Variants in RNF180 observed in about 807,000 individuals in gnomAD.
RNF180 encodes the protein E3 ubiquitin-protein ligase RNF180.
A neutral mutation model predicts 59.2 loss-of-function variants in RNF180; 38 were observed. That is an observed-to-expected ratio of 0.64 (90% CI 0.50 to 0.84). The LOEUF (loss-of-function observed/expected upper bound fraction) is 0.84. Ranked by LOEUF, RNF180 falls within the 40% of genes least tolerant of loss-of-function variation. RNF180 has a pLI of 0.00. For synonymous variants in RNF180, 262 were observed against 240.3 expected, an observed-to-expected ratio of 1.09 and a Z score of -0.84; for missense variants, 705 against 700.9, an observed-to-expected ratio of 1.01 and a Z score of -0.07.
chr5:64,199,476 G>A (rs1274550379), intron 1 of RNF180, among the ~76,000 whole-genome samples: 1 of 152,070 alleles, frequency 6.6e-6, no homozygotes, highest in African/African-American at 2.4e-5. Flanking sequence ...CTAGGAGTGG[G>A]TCCTAGGCAT....
intron 5 of RNF180, among the ~76,000 whole-genome samples, chr5:64,227,936 A>G (rs1462579123): frequency 1.3e-5 from 2 of 152,106 alleles, no homozygotes; most frequent in African/African-American, 2.4e-5. Flanking sequence ...TTTTAAAACC[A>G]TAGTCACTTG....
chr5:64,346,093 G>A (rs1463876417), intron 7 of RNF180, among the ~76,000 whole-genome samples: 2 of 151,968 alleles, frequency 1.3e-5, no homozygotes, highest in African/African-American at 4.8e-5. Context: ...AACTCCAGGA[G>A]AGATAACCAT....
chr5:64,336,358 A>T (rs564197522), intron 7 of RNF180, among the ~76,000 whole-genome samples: 1 of 152,056 alleles, frequency 6.6e-6, no homozygotes, highest in African/African-American at 2.4e-5. Context: ...TTAATGCTCT[A>T]CTAAGGTGTG....
chr5:64,323,997 C>A (rs566851099), intron 5 of RNF180, among the ~76,000 whole-genome samples: 1 of 152,050 alleles, frequency 6.6e-6, no homozygotes, highest in Non-Finnish European at 1.5e-5. Flanking sequence ...TAGCAAAGAC[C>A]GCAATTACTT....
At chr5:64,317,775 G>T (rs78948781) in intron 5 of RNF180, among the ~76,000 whole-genome samples, 15,743 of 149,870 alleles carry the variant, frequency 0.11, 1,005 homozygotes, top group Middle Eastern at 0.22. Context: ...TTTTCTATGG[G>T]TTTTTGTCCT....
At chr5:64,218,295 T>G (rs1216722989) in intron 5 of RNF180, among the ~76,000 whole-genome samples, 1 of 152,184 alleles carries the variant, frequency 6.6e-6, no homozygotes, top group Non-Finnish European at 1.5e-5. Flanking sequence ...TAAAATTAAT[T>G]TGTAATAAGT....
intron 5 of RNF180, among the ~76,000 whole-genome samples, chr5:64,286,985 G>C (rs907766211): frequency 6.6e-6 from 1 of 152,180 alleles, no homozygotes; most frequent in Non-Finnish European, 1.5e-5. Context: ...ATTTATTTAT[G>C]AAATGAAGTC....
intron 1 of RNF180, chr5:64,166,252 G>C (rs1749630704): frequency 6.5e-6 from 1 of 152,838 alleles, no homozygotes; most frequent in Non-Finnish European, 1.5e-5. Flanking sequence ...CTGGAGGCGA[G>C]GCGCTGTAGG....
Position 64,249,184 on chromosome 5 carries a change from G to A in RNF180, c.1227+31788G>A, listed in dbSNP as rs143222384. Among the ~76,000 whole-genome samples the A allele has an allele frequency of 5.1e-4, 77 of 152,150 alleles. No individual in the cohort carries two copies. The East Asian group carries it at 7.0e-3, about 14-fold the overall frequency. On this transcript the variant is annotated intron_variant, in intron 5 of 7. Transcript: ENST00000389100. ...GGGTTAATTGGTGCAGCAAATGACC[G>A]TGGCATGTGTATAGCTATGTAACAA...
At chr5:64,322,129 A>C (rs1744383201) in intron 5 of RNF180, among the ~76,000 whole-genome samples, 1 of 152,212 alleles carries the variant, frequency 6.6e-6, no homozygotes, top group Non-Finnish European at 1.5e-5. Flanking sequence ...CGCCAAAAGC[A>C]ATTGCGACAA....
rs145425399 is a variant in RNF180 at position 64,244,719 on chromosome 5, A to G, written c.1227+27323A>G. On this transcript the variant is annotated intron_variant, in intron 5 of 7. Transcript: ENST00000389100. ...ACCTAGCAAGACAGGCCAACATTCAAATTCAGGAAATACAGAGAGCACCAC... is the reference window on the plus strand; with the variant it reads ...ACCTAGCAAGACAGGCCAACATTCAGATTCAGGAAATACAGAGAGCACCAC... Among the ~76,000 whole-genome samples the G allele has an allele frequency of 3.9e-3, 592 of 152,320 alleles. 3 individuals are homozygous for G. The highest frequency in any genetic ancestry group is 0.014 in the African/African-American group (573 of 41,574).
intron 5 of RNF180, among the ~76,000 whole-genome samples, chr5:64,301,747 T>C (rs1162466523): frequency 1.4e-5 from 2 of 147,962 alleles, no homozygotes; most frequent in East Asian, 2.0e-4. Flanking sequence ...CTGGTTGTTA[T>C]AAGTCTCTTG....
At chr5:64,292,892 A>C (rs1224655501) in intron 5 of RNF180, among the ~76,000 whole-genome samples, 1 of 152,152 alleles carries the variant, frequency 6.6e-6, no homozygotes, top group South Asian at 2.1e-4. Flanking sequence ...CCACTCAAAG[A>C]AGCGGTCTGG....
At chr5:64,322,206 T>A (rs1744388026) in intron 5 of RNF180, among the ~76,000 whole-genome samples, 1 of 151,996 alleles carries the variant, frequency 6.6e-6, no homozygotes, top group Non-Finnish European at 1.5e-5. Flanking sequence ...GAAACTATAA[T>A]CAGAGTAAAC....
At chr5:64,203,977 G>A (rs927614725) in intron 2 of RNF180, among the ~76,000 whole-genome samples, 5 of 151,996 alleles carry the variant, frequency 3.3e-5, no homozygotes, top group African/African-American at 1.2e-4. Flanking sequence ...TGTGCTGAAA[G>A]GTTGCTAAAT....
chr5:64,173,798 C>G (rs1218415319), intron 1 of RNF180, among the ~76,000 whole-genome samples: 1 of 151,820 alleles, frequency 6.6e-6, no homozygotes, highest in Non-Finnish European at 1.5e-5. Flanking sequence ...TCACTGCAAC[C>G]TCTGCCTCCC....
At chr5:64,275,657 G>A (rs1741674083) in intron 5 of RNF180, among the ~76,000 whole-genome samples, 1 of 151,572 alleles carries the variant, frequency 6.6e-6, no homozygotes, top group Admixed American at 6.6e-5. Flanking sequence ...ATAAATACAG[G>A]GCCTTCTTCT....
intron 1 of RNF180, among the ~76,000 whole-genome samples, chr5:64,193,082 G>T (rs753072471): frequency 6.6e-5 from 10 of 151,672 alleles, no homozygotes; most frequent in Non-Finnish European, 5.9e-5. Context: ...ATCTAAGATA[G>T]TCAAACTCAT....
At chr5:64,364,874 C>A (rs1746388402) in intron 7 of RNF180, among the ~76,000 whole-genome samples, 1 of 151,514 alleles carries the variant, frequency 6.6e-6, no homozygotes, top group South Asian at 2.1e-4. Flanking sequence ...CCGTAATATT[C>A]TCTAATGGTT....
Sources: gnomAD v4.1 joint callset for allele counts (sites outside exome capture counted in the v4.1 genomes callset) on GRCh38, gnomAD v4.1.1 for gene constraint, MANE v1.5 for transcripts, NCBI Gene and HGNC (gene_info 2026-07-23, HGNC 2026-07-21) for gene names.